GSTA4: variants seen among roughly 807,000 people sequenced by gnomAD.
The protein encoded by GSTA4 is glutathione S-transferase alpha 4.
Under a neutral mutation model 24.4 loss-of-function variants are expected in GSTA4, and 15 were observed. The ratio of observed to expected loss-of-function variants is 0.61; its 90% CI spans 0.41 to 0.95. GSTA4 has a LOEUF of 0.95. Among genes scored for constraint, GSTA4 ranks in the 40% least tolerant of loss-of-function variants. GSTA4 has a pLI of 0.00. For missense variants in GSTA4, 244 were observed against 262.1 expected, an observed-to-expected ratio of 0.93 and a Z score of 0.48; for synonymous variants, 92 against 94.2, an observed-to-expected ratio of 0.98 and a Z score of 0.13.
intron 3 of GSTA4, among the ~76,000 whole-genome samples, chr6:52,986,757 C>T (rs1219701664): frequency 1.3e-5 from 2 of 152,190 alleles, no homozygotes; most frequent in Admixed American, 6.5e-5. Context: ...GGGGAGCCTC[C>T]AGCTGGGCCT....
At chr6:52,982,550 C>T in intron 6 of GSTA4, 24 bp downstream of exon 6, 1 of 1,593,950 alleles carries the variant, frequency 6.3e-7, no homozygotes. Flanking sequence ...CTAGGCCAAT[C>T]TTCTAATACA....
intron 5 of GSTA4, 135 bp downstream of exon 5, chr6:52,984,329 A>C: frequency 1.3e-6 from 1 of 746,092 alleles, no homozygotes; most frequent in Non-Finnish European, 2.2e-6. Context: ...ATTCGCTCTT[A>C]GGAGTCCATT....
At position 52,982,691 on chromosome 6, in the gene GSTA4, G is replaced by T. The variant is rs763750694; in HGVS notation, c.429C>A (p.His143Gln). Reference sequence around the variant, plus strand: ...GATTACCAACAAGAAAGCTTTGTCCGTGACCCCTTAAAATCTGTAGGGAAA... The same window carrying T: ...GATTACCAACAAGAAAGCTTTGTCCTTGACCCCTTAAAATCTGTAGGGAAA... ...FPVFEKILRG[H>Q]GQSFLVGNQL... is the part of the protein sequence containing the mutation. The change falls in exon 6 of 7, where the codon CAC becomes CAA. Residue 143 changes from histidine to glutamine, a missense_variant. Transcript: ENST00000370963. 6.2e-7 allele frequency: 1 copy of T among 1,611,802 alleles called. No individual in the cohort carries two copies. The highest frequency in any genetic ancestry group is 1.1e-5 in the South Asian group (1 of 90,894).
chr6:52,978,712 A>C, intron 6 of GSTA4, 120 bp from the exon 7 acceptor site: 1 of 636,740 alleles, frequency 1.6e-6, no homozygotes, highest in Non-Finnish European at 2.6e-6. Flanking sequence ...AAGAGTTCCA[A>C]GCAGAAATGA....
At position 52,993,044 on chromosome 6, in the gene GSTA4, A is replaced by G. The variant is rs1763694108; in HGVS notation, c.87+1113T>C. 2.0e-5 allele frequency among the ~76,000 whole-genome samples: 3 copies of G among 151,926 alleles called. No individual in the cohort carries two copies. In the South Asian group the frequency reaches 6.3e-4, roughly 32 times the overall value. On this transcript the variant is annotated intron_variant, in intron 2 of 6. Transcript: ENST00000370963. ...CTTGATCCTGGGAGGCGGAGGTTGC[A>G]GTGAGCCGAGATCACACCACTGCAC...
At chr6:52,985,166 A>G (rs913707295) in intron 4 of GSTA4, among the ~76,000 whole-genome samples, 2 of 152,200 alleles carry the variant, frequency 1.3e-5, no homozygotes, top group African/African-American at 4.8e-5. Flanking sequence ...ACAATAGTGA[A>G]TGTGCAAGAA....
intron 2 of GSTA4, among the ~76,000 whole-genome samples, chr6:52,992,023 G>C (rs1308436194): frequency 6.6e-6 from 1 of 152,012 alleles, no homozygotes; most frequent in African/African-American, 2.4e-5. Context: ...CCAAAGTACT[G>C]GGATTACAGG....
chr6:52,993,936 A>G, intron 2 of GSTA4: 1 of 644,452 alleles, frequency 1.6e-6, no homozygotes, highest in Non-Finnish European at 2.9e-6. Flanking sequence ...GCTAGATCAG[A>G]AGCCAATAAT....
chr6:52,978,204 T>C lies in GSTA4; in HGVS notation c.*266A>G. ...ATTCTTATTATGAGGATGAACTGGCTACAGGACATGAGTAGCCCAATCAGA... is the reference window on the plus strand; with the variant it reads ...ATTCTTATTATGAGGATGAACTGGCCACAGGACATGAGTAGCCCAATCAGA... On this transcript the variant is annotated 3_prime_UTR_variant, in exon 7 of 7. Transcript: ENST00000370963. The C allele has an allele frequency of 2.6e-6, 1 of 392,102 alleles. No homozygotes were observed. The highest frequency in any genetic ancestry group is 6.1e-5 in the East Asian group (1 of 16,342). 24.3% of individuals were successfully genotyped at this position (392,102 alleles called of 1,614,324 possible). A position where few individuals can be genotyped will look rare whatever the true frequency, so the allele number is the denominator to read the frequency against.
chr6:52,994,612 T>C (rs1763730830), intron 1 of GSTA4, among the ~76,000 whole-genome samples: 1 of 152,056 alleles, frequency 6.6e-6, no homozygotes, highest in African/African-American at 2.4e-5. Flanking sequence ...AGCTGGGGGA[T>C]AGGGGGTGGC....
At chr6:52,994,449 G>T in intron 1 of GSTA4, 188 bp from the exon 2 acceptor site, 1 of 539,906 alleles carries the variant, frequency 1.9e-6, no homozygotes. Context: ...AAAAAACCTT[G>T]GCTTTTATAT....
chr6:52,984,618 A>G lies in GSTA4; in HGVS notation c.273-13T>C. The G allele has an allele frequency of 1.2e-6, 2 of 1,611,148 alleles. No homozygotes were observed. Among genetic ancestry groups the G allele is most frequent in the Non-Finnish European group, 1.7e-6 (2 of 1,178,734 alleles). On this transcript the variant is annotated splice_polypyrimidine_tract_variant and intron_variant, in intron 4 of 6. Coordinates refer to ENST00000370963, the MANE Select transcript of GSTA4 (RefSeq NM_001512.4). ...GTACATGTCAATCCTTAAAACAAAA[A>G]AGCAGTTGTCTCAGTTTCTCCTCTC...
chr6:52,987,305 G>C (rs1763580472), intron 3 of GSTA4, 52 bp downstream of exon 3: 1 of 1,113,650 alleles, frequency 9.0e-7, no homozygotes, highest in Non-Finnish European at 1.4e-6. Context: ...ATAAACAGCA[G>C]CTCTTAAAGG....
intron 2 of GSTA4, among the ~76,000 whole-genome samples, chr6:52,988,283 TAAAA>T (rs5876296): frequency 6.8e-6 from 1 of 146,804 alleles, no homozygotes; most frequent in African/African-American, 2.5e-5. Flanking sequence ...ATGATGATGC[TAAAA>T]AAAAAAAAAG....
intron 6 of GSTA4, among the ~76,000 whole-genome samples, chr6:52,979,835 A>G (rs1763415794): frequency 6.6e-6 from 1 of 152,218 alleles, no homozygotes; most frequent in South Asian, 2.1e-4. Context: ...TTCATTACGT[A>G]CTTAAGCTCT....
Position 52,984,552 on chromosome 6 carries a change from T to G in GSTA4, c.326A>C (p.His109Pro). The change falls in exon 5 of 7, where the codon CAT (histidine) becomes CCT (proline). Residue 109 changes from histidine to proline, a missense_variant. Transcript: ENST00000370963. ...TLDLLELLIMHPFLKPDDQQK... is the reference protein window; with the variant it reads ...TLDLLELLIMPPFLKPDDQQK... ...CTGATCATCTGGTTTTAAGAAAGGA[T>G]GCATGATAAGCAGTTCCAGCAGATC... is the stretch of plus-strand genomic sequence containing the variant. 6.2e-7 allele frequency: 1 copy of G among 1,613,004 alleles called. No homozygotes were observed. The highest frequency in any genetic ancestry group is 8.5e-7 in the Non-Finnish European group (1 of 1,178,964).
rs1763519012 is a variant in GSTA4, at chr6:52,984,605, C to T, written c.273G>A (p.Leu91=). ...LFGKNLKERT[L]IDMYVEGTLD... is the part of the protein sequence containing the mutation. ...GTGTCCCCTCCACGTACATGTCAAT[C>T]CTTAAAACAAAAAAGCAGTTGTCTC... The change falls in exon 5 of 7, where the codon CTG becomes CTA. Residue 91 remains leucine, a splice_region_variant and synonymous_variant. Coordinates refer to ENST00000370963, the MANE Select transcript of GSTA4 (RefSeq NM_001512.4). 2 of 1,610,326 alleles carry T rather than the reference C, an allele frequency of 1.2e-6. No individual in the cohort carries two copies. The highest frequency in any genetic ancestry group is 1.7e-6 in the Non-Finnish European group (2 of 1,178,822).
In GSTA4 at chr6:52,978,392, G is replaced by T. The variant is rs1763384964; in HGVS notation, c.*78C>A. 1 of 1,420,536 alleles carries T rather than the reference G, an allele frequency of 7.0e-7. No homozygotes were observed. The highest frequency in any genetic ancestry group is 9.8e-7 in the Non-Finnish European group (1 of 1,023,322). 88.0% of individuals were successfully genotyped at this position (1,420,536 alleles called of 1,614,324 possible). On this transcript the variant is annotated 3_prime_UTR_variant, in exon 7 of 7. Coordinates refer to ENST00000370963, the MANE Select transcript of GSTA4 (RefSeq NM_001512.4). ...AATACATAGATAGCACCATGACAGA[G>T]CTGGGATCCATTAAGACATGACTGT...
intron 6 of GSTA4, 29 bp downstream of exon 6, chr6:52,982,544 GC>G: frequency 6.3e-7 from 1 of 1,578,376 alleles, no homozygotes; most frequent in Non-Finnish European, 8.7e-7. Context: ...AGAGTTCTAG[GC>G]CAATCTTCTA....
Sources: allele counts gnomAD v4.1 joint callset (sites outside exome capture counted in the v4.1 genomes callset), GRCh38; gene constraint gnomAD v4.1.1; transcripts MANE v1.5; gene names NCBI Gene and HGNC (gene_info 2026-07-23, HGNC 2026-07-21).